Variants in ARPC5 observed in about 807,000 individuals in gnomAD.
ARPC5 encodes the protein actin-related protein 2/3 complex subunit 5.
ARPC5 carries 5 observed loss-of-function variants against 15.4 expected under a neutral mutation model. That is an observed-to-expected ratio of 0.32 (90% CI 0.17 to 0.68). The LOEUF is 0.68. Ranked by LOEUF, ARPC5 falls within the 30% of genes least tolerant of loss-of-function variation. ARPC5 has a pLI of 0.71. For missense variants in ARPC5, 138 were observed against 192.8 expected (o/e 0.72, Z 1.68); for synonymous variants, 85 against 72.2 (o/e 1.18, Z -0.90).
chr1:183,634,538 T>C lies in ARPC5; in HGVS notation c.143+979A>G, dbSNP rs140487557. 5.1e-3 allele frequency among the ~76,000 whole-genome samples: 778 copies of C among 152,330 alleles called. 7 individuals carry two copies. The highest frequency in any genetic ancestry group is 0.018 in the African/African-American group (753 of 41,574). ...TTTCTAAAACTACAGCTTCGGTTTT[T>C]TTGCAACATTTACATTTTTCTAAAA... On this transcript the variant is annotated intron_variant, in intron 1 of 3. Transcript: ENST00000359856.
rs7542136 is a variant in ARPC5 at position 183,625,922 on chromosome 1, A to G, written c.*1610T>C. On this transcript the variant is annotated 3_prime_UTR_variant, in exon 4 of 4. Transcript: ENST00000359856. ...TGGGAGTGAATGACTGCAGCTGCTA[A>G]GCTACTTTGCACTTTCTAGTCTAGG... 0.079 allele frequency: 12,041 copies of G among 152,264 alleles called. 926 individuals are homozygous for G. Among genetic ancestry groups the G allele is most frequent in the African/African-American group, 0.2 (8,302 of 41,530 alleles). The allele number at this position is 152,264 out of a possible 1,614,324, so 9.4% of individuals were successfully genotyped here.
chr1:183,635,561 G>C lies in ARPC5; in HGVS notation c.99C>G (p.Gly33=), dbSNP rs534794229. 4.3e-6 allele frequency: 7 copies of C among 1,613,238 alleles called. No homozygotes were observed. In the African/African-American group the frequency reaches 9.3e-5, roughly 22 times the overall value. ...CCTCGCCCTCGTCGGGCCCGGCCTG[G>C]CCGTCGCCCCCATCTTCTTCGTCCA... The part of the protein sequence containing the change: ...KFVDEEDGGD[G]QAGPDEGEVD... The change falls in exon 1 of 4, where the codon GGC becomes GGG. Residue 33 remains glycine (G), a synonymous_variant. Transcript: ENST00000359856.
In ARPC5 at chr1:183,626,617, T is replaced by C. The variant is rs1177662951; in HGVS notation, c.*915A>G. 1.3e-5 allele frequency: 2 copies of C among 152,680 alleles called. No homozygotes were observed. Among genetic ancestry groups the C allele is most frequent in the Non-Finnish European group, 1.5e-5 (1 of 68,042 alleles). The allele number at this position is 152,680 out of a possible 1,614,324, so 9.5% of individuals were successfully genotyped here. On this transcript the variant is annotated 3_prime_UTR_variant, in exon 4 of 4. Coordinates refer to ENST00000359856, the MANE Select transcript of ARPC5 (RefSeq NM_005717.4). Reference sequence around the variant, plus strand: ...GAACACTGAAGACATTTACGGGGCATATTAAATGGTATCTTAAATACTAGT... The same window carrying C: ...GAACACTGAAGACATTTACGGGGCACATTAAATGGTATCTTAAATACTAGT...
intron 3 of ARPC5, among the ~76,000 whole-genome samples, chr1:183,628,821 T>C (rs1417705353): frequency 3.3e-5 from 5 of 152,202 alleles, no homozygotes; most frequent in Non-Finnish European, 7.3e-5. Context: ...TGCTATAGCC[T>C]GAGGGGAAGA....
In ARPC5 at chr1:183,635,477, G is replaced by C. The variant is rs529016117; in HGVS notation, c.143+40C>G. The C allele has an allele frequency of 6.2e-5, 98 of 1,571,718 alleles. 1 individual carries two copies. In the South Asian group the frequency reaches 1.1e-3, roughly 17 times the overall value. On this transcript the variant is annotated intron_variant, in intron 1 of 3. Coordinates refer to ENST00000359856, the MANE Select transcript of ARPC5 (RefSeq NM_005717.4). ...CGGGTCCCAGGAGAAGGGCGGGCTG[G>C]GCTGGGCTGGGGTGGGGAGGGCGGT...
At position 183,627,611 on chromosome 1, in the gene ARPC5, A is replaced by G. The variant is rs1323375201; in HGVS notation, c.394-17T>C. ...AGCAAGTGCCTAAAAACAAACCAAG[A>G]TGTAAATGTTGACAGAATAATAAAA... On this transcript the variant is annotated splice_polypyrimidine_tract_variant and intron_variant, in intron 3 of 3. Transcript: ENST00000359856. The G allele has an allele frequency of 1.2e-6, 2 of 1,604,292 alleles. No homozygotes were observed. The highest frequency in any genetic ancestry group is 2.2e-5 in the South Asian group (2 of 90,858).
In ARPC5 at chr1:183,630,564, G is replaced by T. The variant is rs371317748; in HGVS notation, c.290C>A (p.Ser97Tyr). ...KANDIEKAVQSLDKNGVDLLM... is the reference protein window; with the variant it reads ...KANDIEKAVQYLDKNGVDLLM... ...GAGATCCACACCATTCTTGTCCAGA[G>T]ATTGAACTGCCTTTTCTATATCATT... The change falls in exon 3 of 4, where the codon TCT (serine) becomes TAT (tyrosine). Residue 97 changes from serine (S) to tyrosine (Y), a missense_variant. Around this residue, in one of 3 missense-constraint regions of ARPC5, gnomAD observed 121 missense variants for 153.7 expected, o/e 0.79. Coordinates refer to ENST00000359856, the MANE Select transcript of ARPC5 (RefSeq NM_005717.4). 1.2e-6 allele frequency: 2 copies of T among 1,613,912 alleles called. No homozygotes were observed. Among genetic ancestry groups the T allele is most frequent in the African/African-American group, 2.7e-5 (2 of 74,912 alleles).
chr1:183,628,891 A>G (rs1649186709), intron 3 of ARPC5, among the ~76,000 whole-genome samples: 1 of 152,228 alleles, frequency 6.6e-6, no homozygotes, highest in South Asian at 2.1e-4. Context: ...GGTGACTGAC[A>G]AGGGCAATTT....
rs1649036471 is a variant in ARPC5 at position 183,624,555 on chromosome 1, A to C, written c.*2977T>G. The C allele has an allele frequency of 6.6e-6, 1 of 151,756 alleles. No individual in the cohort carries two copies. The highest frequency in any genetic ancestry group is 2.4e-5 in the African/African-American group (1 of 41,170). 9.4% of individuals were successfully genotyped at this position (151,756 alleles called of 1,614,324 possible). On this transcript the variant is annotated 3_prime_UTR_variant, in exon 4 of 4. Coordinates refer to ENST00000359856, the MANE Select transcript of ARPC5 (RefSeq NM_005717.4). ...AAAACAAAACAAAACAAAACAAAAA[A>C]CATTAAAACTGCAAGAACAGTGACT...
intron 1 of ARPC5, among the ~76,000 whole-genome samples, chr1:183,634,185 C>G (rs985731505): frequency 4.6e-5 from 7 of 152,332 alleles, no homozygotes; most frequent in Non-Finnish European, 1.0e-4. Flanking sequence ...CACAAAATCT[C>G]TGGTTGACAA....
At chr1:183,627,945 C>T (rs59068318) in intron 3 of ARPC5, among the ~76,000 whole-genome samples, 4 of 151,424 alleles carry the variant, frequency 2.6e-5, no homozygotes, top group African/African-American at 9.7e-5. Flanking sequence ...AGGCCGAGGC[C>T]GGCGGATCAC....
Position 183,627,450 on chromosome 1 carries a change from A to C in ARPC5, c.*82T>G, listed in dbSNP as rs1572196358. ...GCTGAGAGAAACAGATGCTACCCAC[A>C]GGGCAGCGGTGGCATTTGGTTGTTT... is the stretch of plus-strand genomic sequence containing the variant. On this transcript the variant is annotated 3_prime_UTR_variant, in exon 4 of 4. Coordinates refer to ENST00000359856, the MANE Select transcript of ARPC5 (RefSeq NM_005717.4). The C allele has an allele frequency of 1.7e-6, 2 of 1,158,056 alleles. No individual in the cohort carries two copies. The highest frequency in any genetic ancestry group is 4.7e-5 in the East Asian group (2 of 42,634). 71.7% of individuals were successfully genotyped at this position (1,158,056 alleles called of 1,614,324 possible). A position where few individuals can be genotyped will look rare whatever the true frequency, so the allele number is the denominator to read the frequency against.
At chr1:183,627,717 A>T in intron 3 of ARPC5, 123 bp from the exon 4 acceptor site, 1 of 768,590 alleles carries the variant, frequency 1.3e-6, no homozygotes, top group Non-Finnish European at 2.3e-6. Flanking sequence ...ATTAGTTAAC[A>T]AATAATAAAT....
chr1:183,635,318 C>A (rs987360898), intron 1 of ARPC5, among the ~76,000 whole-genome samples, 199 bp downstream of exon 1: 2 of 152,212 alleles, frequency 1.3e-5, no homozygotes, highest in Admixed American at 6.5e-5. Context: ...GGGACCCTCG[C>A]GTCTCCTGCC....
intron 2 of ARPC5, chr1:183,631,146 G>A (rs1649251564): frequency 6.6e-6 from 1 of 152,580 alleles, no homozygotes; most frequent in Non-Finnish European, 1.5e-5. Flanking sequence ...CATAGTAGCA[G>A]TGGAGGTGGT....
rs1301170201 is a variant in ARPC5 at position 183,622,408 on chromosome 1, C to G, written c.*5124G>C. 3 of 152,168 alleles carry G rather than the reference C, an allele frequency of 2.0e-5. No individual in the cohort carries two copies. Among genetic ancestry groups the G allele is most frequent in the Non-Finnish European group, 4.4e-5 (3 of 68,018 alleles). 9.4% of individuals were successfully genotyped at this position (152,168 alleles called of 1,614,324 possible). On this transcript the variant is annotated 3_prime_UTR_variant, in exon 4 of 4. Transcript: ENST00000359856. ...AAGAAAATCTTAGTTGCCCTGGCATCTTGATTCAATTTTTGGAGAAACAAA... is the reference window on the plus strand; with the variant it reads ...AAGAAAATCTTAGTTGCCCTGGCATGTTGATTCAATTTTTGGAGAAACAAA...
chr1:183,629,143 A>G (rs950719555), intron 3 of ARPC5, among the ~76,000 whole-genome samples: 1 of 152,238 alleles, frequency 6.6e-6, no homozygotes, highest in African/African-American at 2.4e-5. Context: ...CAGTGACAAA[A>G]GAGGAATAAT....
chr1:183,632,813 C>A (rs774812818), intron 2 of ARPC5: 86 of 279,196 alleles, frequency 3.1e-4, no homozygotes, highest in Admixed American at 6.4e-4. Flanking sequence ...AACCTTTGCT[C>A]AAATTCAGCC....
At position 183,623,152 on chromosome 1, in the gene ARPC5, T is replaced by A. The variant is rs1200605553; in HGVS notation, c.*4380A>T. On this transcript the variant is annotated 3_prime_UTR_variant, in exon 4 of 4. Coordinates refer to ENST00000359856, the MANE Select transcript of ARPC5 (RefSeq NM_005717.4). ...AGGAGCTAACTGCTAGGCTGGAAAA[T>A]ACGGGAGTTTTAGAATGCTTTGGAA... The A allele has an allele frequency of 6.8e-6, 3 of 442,456 alleles. No homozygotes were observed. The East Asian group carries it at 1.3e-4, about 19-fold the overall frequency. 27.4% of individuals were successfully genotyped at this position (442,456 alleles called of 1,614,324 possible).
Sources: allele counts gnomAD v4.1 joint callset (sites outside exome capture counted in the v4.1 genomes callset), GRCh38; gene constraint gnomAD v4.1.1; regional missense constraint gnomAD v4.1.1; transcripts MANE v1.5; gene names NCBI Gene and HGNC (gene_info 2026-07-23, HGNC 2026-07-21).